ELL: variants seen among roughly 807,000 people sequenced by gnomAD.
ELL encodes RNA polymerase II elongation factor ELL.
Under a neutral mutation model 64.0 loss-of-function variants are expected in ELL, and 18 were observed. The ratio of observed to expected loss-of-function variants is 0.28; its 90% confidence interval spans 0.19 to 0.42. The LOEUF (loss-of-function observed/expected upper bound fraction) is 0.42, where lower values mean the gene tolerates loss of function less well. Ranked by LOEUF, ELL falls within the 10% of genes least tolerant of loss-of-function variation. The pLI is 1.00. For synonymous variants in ELL, 399 were observed against 376.2 expected (o/e 1.06, Z -0.70); for missense variants, 797 against 870.4 (o/e 0.92, Z 1.06).
intron 10 of ELL, chr19:18,445,495 G>GC (rs1235355546): frequency 3.7e-5 from 15 of 410,188 alleles, no homozygotes; most frequent in Non-Finnish European, 6.0e-5. Context: ...GTGGGGCACT[G>GC]CTGTTGTGGG....
At chr19:18,455,276 A>T (rs1163291119) in intron 6 of ELL, among the ~76,000 whole-genome samples, 3 of 150,624 alleles carry the variant, frequency 2.0e-5, no homozygotes, top group Admixed American at 6.7e-5. Flanking sequence ...GTGGATCATG[A>T]GGTCAGGAGT....
chr19:18,491,328 G>T (rs1205636179), intron 1 of ELL, among the ~76,000 whole-genome samples: 2 of 131,618 alleles, frequency 1.5e-5, no homozygotes, highest in African/African-American at 5.5e-5. Flanking sequence ...GCCCAGGCTG[G>T]TCTTGAACTC....
At position 18,503,863 on chromosome 19, in the gene ELL, T is replaced by C. The variant is rs74811653; in HGVS notation, c.135+18058A>G. On this transcript the variant is annotated intron_variant, in intron 1 of 11. Coordinates refer to ENST00000262809, the MANE Select transcript of ELL (RefSeq NM_006532.4). ...TGTCACTCATCACTCCCGTTCAGAA[T>C]GCACCTGGCTAACTGGAGTCACACG... Among the ~76,000 whole-genome samples the C allele has an allele frequency of 1.5e-4, 23 of 152,264 alleles. 1 individual carries two copies. In the Middle Eastern group the frequency reaches 0.027, roughly 180 times the overall value.
intron 1 of ELL, among the ~76,000 whole-genome samples, chr19:18,500,261 CAAA>C (rs545592109): frequency 6.1e-5 from 4 of 66,054 alleles, no homozygotes; most frequent in Admixed American, 1.7e-4. Context: ...GACTCCGTCT[CAAA>C]AAAAAAAAAA....
chr19:18,453,864 CG>C (rs1279719945), intron 6 of ELL, among the ~76,000 whole-genome samples: 3 of 152,188 alleles, frequency 2.0e-5, no homozygotes, highest in Non-Finnish European at 2.9e-5. Flanking sequence ...CCACCACGCC[CG>C]GTCCTGATTC....
intron 1 of ELL, among the ~76,000 whole-genome samples, chr19:18,512,509 G>A (rs1014408442): frequency 6.0e-5 from 9 of 149,468 alleles, no homozygotes; most frequent in Admixed American, 5.3e-4. Flanking sequence ...CGTGATGATG[G>A]GTGTCTGTAG....
chr19:18,460,928 G>A (rs1219431304), intron 5 of ELL, among the ~76,000 whole-genome samples: 1 of 152,158 alleles, frequency 6.6e-6, no homozygotes, highest in African/African-American at 2.4e-5. Context: ...CCCTTCCCAG[G>A]GACCCCAGGA....
chr19:18,499,409 G>A (rs1225854977), intron 1 of ELL, among the ~76,000 whole-genome samples: 1 of 152,110 alleles, frequency 6.6e-6, no homozygotes, highest in Non-Finnish European at 1.5e-5. Flanking sequence ...AGCACAAACT[G>A]GACCCTAACA....
chr19:18,450,876 G>A lies in ELL; in HGVS notation c.1066C>T (p.Leu356=). The change falls in exon 8 of 12, where the codon CTG becomes TTG. Residue 356 remains leucine, a synonymous_variant. Transcript: ENST00000262809. ...GCCTCACGGCCATTGGGCACGCCCA[G>A]CTTCCCGTTGACGGCAGGCTGAGCT... ...QRAQPAVNGK[L]GVPNGREALL... is the part of the protein sequence containing the mutation. The A allele has an allele frequency of 1.3e-6, 2 of 1,582,460 alleles. No individual in the cohort carries two copies. The highest frequency in any genetic ancestry group is 1.7e-6 in the Non-Finnish European group (2 of 1,163,100).
At chr19:18,496,549 T>C (rs1160349543) in intron 1 of ELL, among the ~76,000 whole-genome samples, 1 of 151,870 alleles carries the variant, frequency 6.6e-6, no homozygotes, top group African/African-American at 2.4e-5. Flanking sequence ...TTTACCTTAT[T>C]AGAAACATAT....
intron 1 of ELL, among the ~76,000 whole-genome samples, chr19:18,493,895 T>G (rs74820491): frequency 1.3e-5 from 2 of 152,236 alleles, no homozygotes; most frequent in East Asian, 3.9e-4. Flanking sequence ...CTGAAGACAA[T>G]TGAAAGGTGA....
rs1974479550 is a variant in ELL at position 18,449,568 on chromosome 19, A to C, written c.1465+909T>G. On this transcript the variant is annotated intron_variant, in intron 8 of 11. Transcript: ENST00000262809. The surrounding 1 kb of genome is among the most constrained non-coding windows in gnomAD (Gnocchi z 4.4). ...ATGGCCCTCTGAGCAACGCAAAGCT[A>C]TAATGAAAGAAGGGCTCCCACCCTC... Among the ~76,000 whole-genome samples, 1 of 152,178 alleles carries C rather than the reference A, an allele frequency of 6.6e-6. No individual in the cohort carries two copies. The highest frequency in any genetic ancestry group is 1.5e-5 in the Non-Finnish European group (1 of 68,022).
chr19:18,488,417 G>A (rs1228845232), intron 1 of ELL, among the ~76,000 whole-genome samples: 3 of 152,234 alleles, frequency 2.0e-5, no homozygotes, highest in African/African-American at 7.2e-5. Context: ...GAGCTGCAGA[G>A]GCAGCCTGTG....
chr19:18,466,079 G>T (rs577007887), intron 2 of ELL, among the ~76,000 whole-genome samples, 161 bp from the exon 3 acceptor site: 1 of 152,308 alleles, frequency 6.6e-6, no homozygotes, highest in Admixed American at 6.5e-5. Flanking sequence ...TGACGGGACA[G>T]GCAGCCCATC....
intron 6 of ELL, among the ~76,000 whole-genome samples, chr19:18,455,141 CAAAA>C (rs34585634): frequency 2.8e-5 from 3 of 107,968 alleles, no homozygotes; most frequent in Non-Finnish European, 4.0e-5. Flanking sequence ...AGTCCCTCTC[CAAAA>C]AAAAAAAAAA....
At chr19:18,457,154 C>T (rs533628458) in intron 6 of ELL, among the ~76,000 whole-genome samples, 44 of 152,272 alleles carry the variant, frequency 2.9e-4, no homozygotes, top group Admixed American at 1.2e-3. Flanking sequence ...ACTCAGCAGA[C>T]GGAACATGAG....
Position 18,501,791 on chromosome 19 carries a change from G to A in ELL, c.135+20130C>T, listed in dbSNP as rs985721576. 1.3e-5 allele frequency among the ~76,000 whole-genome samples: 2 copies of A among 152,158 alleles called. No homozygotes were observed. Among genetic ancestry groups the A allele is most frequent in the African/African-American group, 4.8e-5 (2 of 41,428 alleles). On this transcript the variant is annotated intron_variant, in intron 1 of 11. Transcript: ENST00000262809. The surrounding 1 kb of genome is among the most constrained non-coding windows in gnomAD (Gnocchi z 4.5). ...CTCTCCCACAAATGGTCCATCCTTG[G>A]GGAGCATCTCCCCCACATCCTCAAC...
intron 2 of ELL, among the ~76,000 whole-genome samples, chr19:18,466,328 T>C (rs1037277779): frequency 6.6e-6 from 1 of 152,182 alleles, no homozygotes; most frequent in Admixed American, 6.5e-5. Context: ...TGAGGTAAAA[T>C]GCAACAAGAG....
intron 4 of ELL, among the ~76,000 whole-genome samples, chr19:18,462,677 C>T (rs1295066217): frequency 1.3e-5 from 2 of 152,116 alleles, no homozygotes; most frequent in Non-Finnish European, 2.9e-5. Flanking sequence ...CCATCCTGCC[C>T]AACCTGAGGC....
Sources: gnomAD v4.1 joint callset for allele counts (sites outside exome capture counted in the v4.1 genomes callset) on GRCh38, gnomAD v4.1.1 for gene constraint, Gnocchi (gnomAD v3.1) non-coding constraint, MANE v1.5 for transcripts, NCBI Gene and HGNC (gene_info 2026-07-23, HGNC 2026-07-21) for gene names.